TTN: variants seen among roughly 807,000 people sequenced by gnomAD.
TTN encodes titin.
Under a neutral mutation model 3,223.0 loss-of-function variants are expected in TTN, and 1,525 were observed. The ratio of observed to expected loss-of-function variants is 0.47; its 90% CI spans 0.45 to 0.49. The LOEUF (loss-of-function observed/expected upper bound fraction) is 0.49, where lower values mean the gene tolerates loss of function less well. Ranked by LOEUF, TTN falls within the 20% of genes least tolerant of loss-of-function variation. The probability of loss-of-function intolerance (pLI) is 0.00; values close to 1 mark genes in which losing one functional copy is unlikely to be tolerated. For missense variants in TTN, 40,786 were observed against 43,424.0 expected (o/e 0.94, Z 5.40); for synonymous variants, 14,094 against 15,161.0 (o/e 0.93, Z 5.17).
chr2:178,671,608 AT>A (rs557351800), intron 155 of TTN, among the ~76,000 whole-genome samples: 83 of 151,852 alleles, frequency 5.5e-4, no homozygotes, highest in Admixed American at 2.6e-3. Context: ...AGCAGTGATT[AT>A]TTTGCCTGAA....
chr2:178,710,886 G>A lies in TTN; in HGVS notation c.28211C>T (p.Ala9404Val), dbSNP rs1238309373. 3 of 1,613,658 alleles carry A rather than the reference G, an allele frequency of 1.9e-6. No homozygotes were observed. Among genetic ancestry groups the A allele is most frequent in the African/African-American group, 1.3e-5 (1 of 75,040 alleles). ...TTCTCCCACCACAGCATCCACAGGG[G>A]CAAGACGGATGTCAAAGAAGGGTGG... Reference protein sequence around the residue: ...KNPPFFDIRLAPVDAVVGESA... With the variant: ...KNPPFFDIRLVPVDAVVGESA... Residue 9404 changes from alanine to valine, a missense_variant, in exon 98 of 363, where the codon GCC becomes GTC. Physicochemically the swap from Ala to Val is moderately conservative, Grantham distance 64 (BLOSUM62 0). Coordinates refer to ENST00000589042, the MANE Select transcript of TTN (RefSeq NM_001267550.2).
At chr2:178,761,670 T>TAGTTGTGTG (rs752007554) in intron 43 of TTN, among the ~76,000 whole-genome samples, 23 of 152,162 alleles carry the variant, frequency 1.5e-4, no homozygotes, top group Non-Finnish European at 3.1e-4. Flanking sequence ...CCTTGGGATA[T>TAGTTGTGTG]AGTTGTGTGC....
chr2:178,550,190 C>T lies in TTN; in HGVS notation c.91648G>A (p.Val30550Ile). The change falls in exon 337 of 363, where the codon GTA becomes ATA. Residue 30550 changes from valine to isoleucine, a missense_variant. By Grantham distance (29) the Val-to-Ile change is conservative (BLOSUM62 3). Coordinates refer to ENST00000589042, the MANE Select transcript of TTN (RefSeq NM_001267550.2). ...SGESLRIKAL[V>I]QGRPVPRVTW... ...ACTCGAGGCACTGGTCTTCCTTGTA[C>T]CAAAGCTTTAATTCTAAGGCTCTCT... The T allele has an allele frequency of 6.2e-7, 1 of 1,613,698 alleles. No homozygotes were observed. Among genetic ancestry groups the T allele is most frequent in the South Asian group, 1.1e-5 (1 of 91,058 alleles).
In TTN at chr2:178,576,014, G is replaced by A; in HGVS notation, c.70118C>T (p.Ala23373Val). ...RIFVPIKGRPAPEVTWTKDNI... is the reference protein window; with the variant it reads ...RIFVPIKGRPVPEVTWTKDNI... ...ATCTTTGGTCCATGTCACTTCAGGA[G>A]CAGGACGACCTTTAATTGGCACAAA... Residue 23373 changes from alanine to valine, a missense_variant, in exon 326 of 363, where the codon GCT becomes GTT. Coordinates refer to ENST00000589042, the MANE Select transcript of TTN (RefSeq NM_001267550.2). This position sits in a 1 kb window ranked among gnomAD's most constrained non-coding sequence, Gnocchi z 4.3. 2 of 1,612,794 alleles carry A rather than the reference G, an allele frequency of 1.2e-6. No homozygotes were observed. The highest frequency in any genetic ancestry group is 1.7e-6 in the Non-Finnish European group (2 of 1,179,092).
At position 178,586,744 on chromosome 2, in the gene TTN, G is replaced by A; in HGVS notation, c.64157C>T (p.Ala21386Val). Residue 21386 changes from alanine (A) to valine (V), a missense_variant, in exon 308 of 363, where the codon GCC (alanine) becomes GTC (valine). Coordinates refer to ENST00000589042, the MANE Select transcript of TTN (RefSeq NM_001267550.2). The part of the protein sequence containing the change: ...TEMTKNSATL[A>V]WLPPLRDGGA... ...TCCATCACGTAGGGGAGGTAACCAG[G>A]CTAAGGTGGCACTGTTCTTGGTCAT... The A allele has an allele frequency of 1.2e-6, 2 of 1,613,050 alleles. No individual in the cohort carries two copies. The highest frequency in any genetic ancestry group is 1.1e-5 in the South Asian group (1 of 91,038).
Position 178,580,323 on chromosome 2 carries a change from A to G in TTN, c.67056T>C (p.Leu22352=), listed in dbSNP as rs747715690. The G allele has an allele frequency of 5.6e-6, 9 of 1,612,144 alleles. No individual in the cohort carries two copies. Among genetic ancestry groups the G allele is most frequent in the Non-Finnish European group, 6.8e-6 (8 of 1,179,112 alleles). Residue 22352 remains leucine (L), a splice_region_variant and synonymous_variant, in exon 317 of 363, where the codon CTT becomes CTC. Coordinates refer to ENST00000589042, the MANE Select transcript of TTN (RefSeq NM_001267550.2). ...GATTCTTTTTTGAAATAGACTTACCAAGCACTTTCACAACAATGGTATATT... is the reference window on the plus strand; with the variant it reads ...GATTCTTTTTTGAAATAGACTTACCGAGCACTTTCACAACAATGGTATATT... The part of the protein sequence containing the change: ...KKEYTIVVKV[L]DTPGPPVNVT...
intron 163 of TTN, 122 bp from the exon 164 acceptor site, chr2:178,665,913 G>C: frequency 2.3e-6 from 1 of 435,496 alleles, no homozygotes; most frequent in Non-Finnish European, 3.8e-6. Flanking sequence ...CCCCAGAATC[G>C]GATCTTTTGT....
intron 109 of TTN, among the ~76,000 whole-genome samples, 169 bp from the exon 110 acceptor site, chr2:178,701,756 G>T (rs2075044900): frequency 6.6e-6 from 1 of 152,160 alleles, no homozygotes; most frequent in Admixed American, 6.5e-5. Context: ...AACCACGCAG[G>T]TAAGTTTTGT....
Position 178,712,847 on chromosome 2 carries a change from C to T in TTN, c.27178G>A (p.Val9060Ile). The T allele has an allele frequency of 1.2e-6, 2 of 1,613,796 alleles. No individual in the cohort carries two copies. Among genetic ancestry groups the T allele is most frequent in the South Asian group, 1.1e-5 (1 of 91,078 alleles). ...VSWFKGSSEL[V>I]PGDRCNVSLE... Reference sequence around the variant, plus strand: ...GACACGTTGCATCTGTCACCTGGTACTAGTTCACTGCTACCTTTGAACCAG... The same window carrying T: ...GACACGTTGCATCTGTCACCTGGTATTAGTTCACTGCTACCTTTGAACCAG... The change falls in exon 94 of 363, where the codon GTA becomes ATA. Residue 9060 changes from valine (V) to isoleucine (I), a missense_variant. Transcript: ENST00000589042.
At position 178,709,808 on chromosome 2, in the gene TTN, T is replaced by C; in HGVS notation, c.28511A>G (p.Glu9504Gly). 6.2e-7 allele frequency: 1 copy of C among 1,613,604 alleles called. No individual in the cohort carries two copies. Among genetic ancestry groups the C allele is most frequent in the South Asian group, 1.1e-5 (1 of 91,074 alleles). Residue 9504 changes from glutamate (E) to glycine (G), a missense_variant, in exon 99 of 363, where the codon GAA (glutamate) becomes GGA (glycine). Coordinates refer to ENST00000589042, the MANE Select transcript of TTN (RefSeq NM_001267550.2). ...TTTGAAAGAATTCCCTTCTGTTTCT[T>C]CTACTGTCTCTGAGAGTCTTTTAGT... ...SFTKRLSETVEETEGNSFKLE... is the reference protein window; with the variant it reads ...SFTKRLSETVGETEGNSFKLE...
At chr2:178,625,215 T>A in intron 241 of TTN, 58 bp downstream of exon 241, 2 of 1,558,134 alleles carry the variant, frequency 1.3e-6, no homozygotes, top group Non-Finnish European at 1.7e-6. Context: ...AATTGAGAGT[T>A]GGCATTGTTC....
At position 178,570,159 on chromosome 2, in the gene TTN, A is replaced by T; in HGVS notation, c.75973T>A (p.Trp25325Arg). 1.2e-6 allele frequency: 2 copies of T among 1,613,504 alleles called. No individual in the cohort carries two copies. The highest frequency in any genetic ancestry group is 8.5e-7 in the Non-Finnish European group (1 of 1,179,628). ...CCACCATCAGATGCTGGTCTTTCCCATACAACAATCATTGAGTCCTTGGTC... is the reference window on the plus strand; with the variant it reads ...CCACCATCAGATGCTGGTCTTTCCCTTACAACAATCATTGAGTCCTTGGTC... ...TVTKDSMIVV[W>R]ERPASDGGSE... Residue 25325 changes from tryptophan (W) to arginine (R), a missense_variant, in exon 326 of 363, where the codon TGG becomes AGG. Coordinates refer to ENST00000589042, the MANE Select transcript of TTN (RefSeq NM_001267550.2).
Position 178,564,634 on chromosome 2 carries a change from A to G in TTN, c.81498T>C (p.Val27166=). ...CAGGTGGGTCACATGGATCACGAGC[A>G]ACAAAGCATTCTGACACTTTGCTAG... ...GKPSKVSECF[V]ARDPCDPPGR... is the part of the protein sequence containing the mutation. The change falls in exon 326 of 363, where the codon GTT becomes GTC. Residue 27166 remains valine, a synonymous_variant. Coordinates refer to ENST00000589042, the MANE Select transcript of TTN (RefSeq NM_001267550.2). The G allele has an allele frequency of 6.2e-7, 1 of 1,613,620 alleles. No individual in the cohort carries two copies. The highest frequency in any genetic ancestry group is 8.5e-7 in the Non-Finnish European group (1 of 1,179,724).
In TTN at chr2:178,779,237, A is replaced by G; in HGVS notation, c.3955T>C (p.Leu1319=). ...TFHCKMSGYP[L]PKIAWYKDGK... is the part of the protein sequence containing the mutation. Reference sequence around the variant, plus strand: ...AAATGTTTATATTTTACCTTTGGTAATGGATATCCAGACATCTTGCAATGA... The same window carrying G: ...AAATGTTTATATTTTACCTTTGGTAGTGGATATCCAGACATCTTGCAATGA... Residue 1319 remains leucine, a synonymous_variant, in exon 23 of 363, where the codon TTA becomes CTA. Coordinates refer to ENST00000589042, the MANE Select transcript of TTN (RefSeq NM_001267550.2). 6.2e-7 allele frequency: 1 copy of G among 1,613,672 alleles called. No homozygotes were observed. The highest frequency in any genetic ancestry group is 1.7e-4 in the Middle Eastern group (1 of 6,056).
At position 178,729,911 on chromosome 2, in the gene TTN, G is replaced by A; in HGVS notation, c.18342C>T (p.Val6114=). ...TTGACTGTCCATTCCTCAGCACTAA[G>A]ACTGGACTGGGCTTCTTAATGAATT... ...PPQFIKKPSP[V]LVLRNGQSTT... Residue 6114 remains valine (V), a synonymous_variant, in exon 63 of 363, where the codon GTC becomes GTT. Coordinates refer to ENST00000589042, the MANE Select transcript of TTN (RefSeq NM_001267550.2). 1 of 1,613,188 alleles carries A rather than the reference G, an allele frequency of 6.2e-7. No individual in the cohort carries two copies. The highest frequency in any genetic ancestry group is 2.2e-5 in the East Asian group (1 of 44,752).
At position 178,777,825 on chromosome 2, in the gene TTN, T is replaced by A. The variant is rs376857956; in HGVS notation, c.4359A>T (p.Arg1453Ser). 301 of 1,614,042 alleles carry A rather than the reference T, an allele frequency of 1.9e-4. No individual in the cohort carries two copies. In the East Asian group the frequency reaches 3.2e-3, roughly 17 times the overall value. ...TTAACACAAAGACTGGTTTATATAG[T>A]CTCTCAAGTTGTGACTCATCTGTCT... ...LEETDESQLE[R>S]LYKPVFVLKP... Residue 1453 changes from arginine (R) to serine (S), a missense_variant, in exon 25 of 363, where the codon AGA (arginine) becomes AGT (serine). Transcript: ENST00000589042.
intron 3 of TTN, among the ~76,000 whole-genome samples, chr2:178,801,638 GT>G (rs11321728): frequency 0.044 from 6,624 of 152,270 alleles, 305 homozygotes; most frequent in East Asian, 0.13. Flanking sequence ...TTGGTGATAA[GT>G]TTTCTGGGGA....
Position 178,672,038 on chromosome 2 carries a change from A to G in TTN, c.35160T>C (p.His11720=). The change falls in exon 155 of 363, where the codon CAT becomes CAC. Residue 11720 remains histidine (H), a synonymous_variant. Coordinates refer to ENST00000589042, the MANE Select transcript of TTN (RefSeq NM_001267550.2). ...CAGCCTCAAAAACTTCTATTACCCT[A>G]TGAACTTTTTCAACTCTGTGTTCTT... The part of the protein sequence containing the change: ...VEEEHRVEKV[H]RVIEVFEAEE... 1.2e-6 allele frequency: 2 copies of G among 1,611,146 alleles called. No homozygotes were observed. The highest frequency in any genetic ancestry group is 2.2e-5 in the East Asian group (1 of 44,752).
At position 178,715,560 on chromosome 2, in the gene TTN, T is replaced by C. The variant is rs2077359580; in HGVS notation, c.25854A>G (p.Gly8618=). ...EMHNLSVEDS[G]DYTCEAHNAA... is the part of the protein sequence containing the mutation. ...CATTGTGGGCCTCACAGGTGTAGTCTCCACTGTCTTCAACACTGAGATTGT... is the reference window on the plus strand; with the variant it reads ...CATTGTGGGCCTCACAGGTGTAGTCCCCACTGTCTTCAACACTGAGATTGT... Residue 8618 remains glycine (G), a synonymous_variant, in exon 89 of 363, where the codon GGA becomes GGG. Coordinates refer to ENST00000589042, the MANE Select transcript of TTN (RefSeq NM_001267550.2). 15 of 1,613,616 alleles carry C rather than the reference T, an allele frequency of 9.3e-6. No homozygotes were observed. Among genetic ancestry groups the C allele is most frequent in the Non-Finnish European group, 1.3e-5 (15 of 1,179,646 alleles).
Sources: allele counts gnomAD v4.1 joint callset (sites outside exome capture counted in the v4.1 genomes callset), GRCh38; gene constraint gnomAD v4.1.1; non-coding constraint Gnocchi (gnomAD v3.1); transcripts MANE v1.5; gene names NCBI Gene and HGNC (gene_info 2026-07-23, HGNC 2026-07-21).